APOO: variants seen among roughly 807,000 people sequenced by gnomAD.
APOO encodes apolipoprotein O, also known as MICOS complex subunit MIC26.
In APOO, 11 loss-of-function variants were observed where a neutral mutation model predicts 23.1. The ratio of observed to expected loss-of-function variants is 0.48; its 90% CI spans 0.30 to 0.79. The LOEUF (loss-of-function observed/expected upper bound fraction) is 0.79, where lower values mean the gene tolerates loss of function less well. Ranked by LOEUF, APOO falls within the 30% of genes least tolerant of loss-of-function variation. The pLI, the probability that APOO is intolerant of heterozygous loss-of-function variation, is 0.07. For synonymous variants in APOO, 59 were observed against 54.8 expected, an observed-to-expected ratio of 1.08 and a Z score of -0.34; for missense variants, 160 against 142.7, an observed-to-expected ratio of 1.12 and a Z score of -0.62.
chrX:23,840,706 C>T (rs780825473), intron 7 of APOO: 6 of 157,978 alleles, frequency 3.8e-5, no homozygotes, highest in Non-Finnish European at 5.9e-5. Context: ...CATTAATCCT[C>T]ATTATGCAGA....
chrX:23,833,479 C>T lies in APOO; in HGVS notation c.*163G>A, dbSNP rs1489127617. The T allele has an allele frequency of 1.8e-5, 2 of 111,644 alleles. No homozygotes were observed. Among genetic ancestry groups the T allele is most frequent in the East Asian group, 5.6e-4 (2 of 3,581 alleles). 9.2% of individuals were successfully genotyped at this position (111,644 alleles called of 1,213,427 possible). The stretch of plus-strand genomic sequence containing the variant: ...TTAGTTTGCTTGTAGGATGATTTCA[C>T]AGAAGATAACAGAGGTCTGGTCTAG... On this transcript the variant is annotated 3_prime_UTR_variant, in exon 9 of 9. Transcript: ENST00000379226.
chrX:23,893,222 C>T (rs1353283006), intron 1 of APOO, among the ~76,000 whole-genome samples: 2 of 105,005 alleles, frequency 1.9e-5, no homozygotes, highest in Non-Finnish European at 3.9e-5. Flanking sequence ...TCGAGACCAT[C>T]TTGGCTAACA....
chrX:23,842,804 T>A (rs1468379366), intron 7 of APOO, among the ~76,000 whole-genome samples: 3 of 111,382 alleles, frequency 2.7e-5, no homozygotes, highest in Non-Finnish European at 5.7e-5. Context: ...AGGTCAGGAG[T>A]TCGAGACCAG....
chrX:23,903,413 C>T, intron 1 of APOO, among the ~76,000 whole-genome samples: 1 of 110,372 alleles, frequency 9.1e-6, no homozygotes, highest in African/African-American at 3.3e-5. Flanking sequence ...CATCCCAGAC[C>T]TACTGAATTG....
intron 1 of APOO, among the ~76,000 whole-genome samples, chrX:23,904,205 T>C (rs971028627): frequency 6.3e-5 from 7 of 111,470 alleles, no homozygotes; most frequent in Non-Finnish European, 9.4e-5. Context: ...AAGAACTCCA[T>C]TGTGTTCATG....
At chrX:23,850,579 C>T (rs1924488479) in intron 7 of APOO, among the ~76,000 whole-genome samples, 1 of 111,864 alleles carries the variant, frequency 8.9e-6, no homozygotes, top group Non-Finnish European at 1.9e-5. Context: ...GTAATCCCAA[C>T]ACTTTGGGAG....
chrX:23,907,683 C>T lies in APOO; in HGVS notation c.9+11G>A. ...GGCGGTGACAGCTGTGACTCGACTC[C>T]ACGCTCTCACCTTGAACATGTCGCT... On this transcript the variant is annotated intron_variant, in intron 1 of 8. Transcript: ENST00000379226. The T allele has an allele frequency of 8.6e-7, 1 of 1,158,417 alleles. No individual in the cohort carries two copies. Among genetic ancestry groups the T allele is most frequent in the African/African-American group, 1.8e-5 (1 of 55,903 alleles).
intron 5 of APOO, among the ~76,000 whole-genome samples, chrX:23,864,514 C>T (rs1393992429): frequency 9.0e-6 from 1 of 111,154 alleles, no homozygotes; most frequent in African/African-American, 3.3e-5. Context: ...GTTGGCTAGG[C>T]TAGTCTTGAA....
At chrX:23,889,818 C>T (rs753109544) in intron 1 of APOO, among the ~76,000 whole-genome samples, 7 of 109,835 alleles carry the variant, frequency 6.4e-5, no homozygotes, top group East Asian at 2.9e-4. Flanking sequence ...CCAGCCACCA[C>T]GCCTGGCTAA....
chrX:23,853,530 G>T (rs7889447), intron 7 of APOO, among the ~76,000 whole-genome samples: 10 of 109,117 alleles, frequency 9.2e-5, no homozygotes, highest in Non-Finnish European at 1.7e-4. Context: ...GGATGGTCTC[G>T]ATCTCCTGAC....
chrX:23,841,517 C>T (rs1459846904), intron 7 of APOO, among the ~76,000 whole-genome samples: 2 of 105,794 alleles, frequency 1.9e-5, no homozygotes, highest in Non-Finnish European at 3.9e-5. Flanking sequence ...AAAGAGTATC[C>T]TGGTTTTGAT....
chrX:23,844,653 T>C (rs138395063), intron 7 of APOO, among the ~76,000 whole-genome samples: 2,232 of 111,397 alleles, frequency 0.02, 64 homozygotes, highest in African/African-American at 0.069. Context: ...AGGAAAGAAA[T>C]TCCCCCCTAG....
intron 5 of APOO, among the ~76,000 whole-genome samples, chrX:23,862,109 C>G (rs965770569): frequency 1.1e-4 from 12 of 111,119 alleles, no homozygotes; most frequent in Non-Finnish European, 2.3e-4. Context: ...AGCATTTCAG[C>G]TGCCTCACTT....
chrX:23,844,525 C>A (rs1376124492), intron 7 of APOO, among the ~76,000 whole-genome samples: 1 of 111,018 alleles, frequency 9.0e-6, no homozygotes, highest in Non-Finnish European at 1.9e-5. Context: ...GATCTGCAAA[C>A]GACTTGCTGC....
intron 5 of APOO, among the ~76,000 whole-genome samples, chrX:23,861,559 C>CAAAA (rs1344776442): frequency 2.6e-5 from 1 of 39,062 alleles, no homozygotes. Context: ...GATCCTGTCT[C>CAAAA]AAAAAAAAAA....
intron 1 of APOO, among the ~76,000 whole-genome samples, chrX:23,881,705 C>T (rs1172153921): frequency 4.0e-5 from 4 of 100,489 alleles, no homozygotes; most frequent in Non-Finnish European, 4.0e-5. Flanking sequence ...AAGGCAGAGG[C>T]GGGTGGGTGG....
chrX:23,856,404 T>C (rs150314252), intron 6 of APOO, 22 bp from the exon 7 acceptor site: 13,462 of 1,124,117 alleles, frequency 0.012, 72 homozygotes, highest in Non-Finnish European at 0.015. Flanking sequence ...ATAGAAAAGA[T>C]CTTACCATCT....
At chrX:23,895,068 G>A (rs1926837998) in intron 1 of APOO, among the ~76,000 whole-genome samples, 1 of 109,373 alleles carries the variant, frequency 9.1e-6, no homozygotes, top group South Asian at 4.0e-4. Flanking sequence ...AACCCAGGAG[G>A]CAAAAGGCTG....
intron 1 of APOO, 47 bp downstream of exon 1, chrX:23,907,647 G>A: frequency 8.7e-7 from 1 of 1,143,710 alleles, no homozygotes; most frequent in Non-Finnish European, 1.2e-6. Context: ...GGGCTCGGGC[G>A]GCCGGGAGGG....
Sources: allele counts gnomAD v4.1 joint callset (sites outside exome capture counted in the v4.1 genomes callset), GRCh38; gene constraint gnomAD v4.1.1; transcripts MANE v1.5; gene names NCBI Gene and HGNC (gene_info 2026-07-23, HGNC 2026-07-21).